The following MOB2 variants were observed in gnomAD, a reference collection of about 807,000 sequenced individuals.
MOB2 encodes the protein MOB kinase activator 2, also known as MOB2 Mps One Binder homolog.
In MOB2, 14 loss-of-function variants were observed where a neutral mutation model predicts 27.4. The observed-to-expected ratio is 0.51, with a 90% CI of 0.34 to 0.80. The LOEUF (loss-of-function observed/expected upper bound fraction) is 0.80, where lower values mean the gene tolerates loss of function less well. MOB2 is among the 30% of genes least tolerant of loss of function. The pLI is 0.01. For synonymous variants in MOB2, 167 were observed against 151.8 expected (o/e 1.10, Z -0.74); for missense variants, 304 against 354.6 (o/e 0.86, Z 1.15).
intron 3 of MOB2, among the ~76,000 whole-genome samples, chr11:1,477,331 C>G (rs898623971): frequency 6.6e-6 from 1 of 152,204 alleles, no homozygotes; most frequent in Admixed American, 6.5e-5. Flanking sequence ...TCCTTTGGCA[C>G]TGACATAGCC....
rs1236317733 is a variant in MOB2 at position 1,470,461 on chromosome 11, G to T, written c.518C>A (p.Ser173Tyr). The T allele has an allele frequency of 3.1e-6, 5 of 1,612,966 alleles. No individual in the cohort carries two copies. Among genetic ancestry groups the T allele is most frequent in the Admixed American group, 1.7e-5 (1 of 60,002 alleles). The change falls in exon 5 of 5, where the codon TCC (serine) becomes TAC (tyrosine). Residue 173 changes from serine (S) to tyrosine (Y), a missense_variant. Coordinates refer to ENST00000329957, the MANE Select transcript of MOB2 (RefSeq NM_001172223.3). Reference sequence around the variant, plus strand: ...GTGTCTGCAGATCTTCCTCACCAGGGACTCAAAGGAGCTGGGGAATTCTCT... The same window carrying T: ...GTGTCTGCAGATCTTCCTCACCAGGTACTCAAAGGAGCTGGGGAATTCTCT... ...YGREFPSSFE[S>Y]LVRKICRHLF...
intron 1 of MOB2, among the ~76,000 whole-genome samples, chr11:1,485,575 C>T (rs1159330685): frequency 1.3e-5 from 2 of 152,212 alleles, no homozygotes; most frequent in African/African-American, 4.8e-5. Context: ...CGGAGATGCA[C>T]ACGGGTGCCG....
chr11:1,469,607 A>G lies in MOB2; in HGVS notation c.*565T>C. On this transcript the variant is annotated 3_prime_UTR_variant, in exon 5 of 5. Coordinates refer to ENST00000329957, the MANE Select transcript of MOB2 (RefSeq NM_001172223.3). ...CACCATGGGTGTTCCTTGGGCATGG[A>G]GGAGGCAGCAGGAAGGGGTGACAGG... The G allele has an allele frequency of 2.2e-6, 1 of 456,892 alleles. No homozygotes were observed. Among genetic ancestry groups the G allele is most frequent in the Non-Finnish European group, 4.4e-6 (1 of 227,132 alleles). The allele number at this position is 456,892 out of a possible 1,614,324, so 28.3% of individuals were successfully genotyped here.
chr11:1,486,216 G>A (rs1403297295), intron 1 of MOB2, among the ~76,000 whole-genome samples: 1 of 152,236 alleles, frequency 6.6e-6, no homozygotes, highest in Non-Finnish European at 1.5e-5. Flanking sequence ...GCCCCACTGG[G>A]CAGGGCTCCA....
At chr11:1,485,035 G>A (rs1400061083) in intron 1 of MOB2, among the ~76,000 whole-genome samples, 2 of 152,188 alleles carry the variant, frequency 1.3e-5, no homozygotes, top group African/African-American at 4.8e-5. Flanking sequence ...CAGACCAAAC[G>A]TCCAAACAGG....
chr11:1,478,283 C>T (rs1428517984), intron 3 of MOB2, among the ~76,000 whole-genome samples: 1 of 152,272 alleles, frequency 6.6e-6, no homozygotes, highest in African/African-American at 2.4e-5. Context: ...CCGGACACTA[C>T]TCTTGTCTTC....
At chr11:1,477,315 G>A (rs1054134963) in intron 3 of MOB2, among the ~76,000 whole-genome samples, 6 of 152,008 alleles carry the variant, frequency 3.9e-5, no homozygotes, top group East Asian at 1.9e-4. Context: ...TTCCTTCCTC[G>A]GAGTCTCCTT....
Position 1,480,835 on chromosome 11 carries a change from T to C in MOB2, c.161A>G (p.Lys54Arg). Reference sequence around the variant, plus strand: ...GGTGTGCTCAGGCTCCAGGTAGGCCTTCCTCTCCTCCGCAGCGGGCTTCTT... The same window carrying C: ...GGTGTGCTCAGGCTCCAGGTAGGCCCTCCTCTCCTCCGCAGCGGGCTTCTT... ...NGKKPAAEER[K>R]AYLEPEHTKA... The change falls in exon 2 of 5, where the codon AAG becomes AGG. Residue 54 changes from lysine (K) to arginine (R), a missense_variant. Coordinates refer to ENST00000329957, the MANE Select transcript of MOB2 (RefSeq NM_001172223.3). 1 of 1,577,860 alleles carries C rather than the reference T, an allele frequency of 6.3e-7. No individual in the cohort carries two copies. The highest frequency in any genetic ancestry group is 1.2e-5 in the South Asian group (1 of 86,074).
intron 3 of MOB2, among the ~76,000 whole-genome samples, chr11:1,473,605 G>A (rs1847820478): frequency 6.6e-6 from 1 of 152,232 alleles, no homozygotes; most frequent in Non-Finnish European, 1.5e-5. Context: ...AACAGTGGAG[G>A]TTAGAGACGG....
rs1218291467 is a variant in MOB2 at position 1,486,594 on chromosome 11, G to A, written c.-38C>T. The A allele has an allele frequency of 1.8e-5, 26 of 1,439,920 alleles. No individual in the cohort carries two copies. The Middle Eastern group carries it at 5.5e-4, about 30-fold the overall frequency. The allele number at this position is 1,439,920 out of a possible 1,614,324, so 89.2% of individuals were successfully genotyped here. On this transcript the variant is annotated 5_prime_UTR_variant, in exon 1 of 5. Coordinates refer to ENST00000329957, the MANE Select transcript of MOB2 (RefSeq NM_001172223.3). ...GGAAGGTGGGGAGGAGAAGCGGGGC[G>A]GGGTGCCGGCTGGCCAGCACTCGCA...
At chr11:1,486,068 G>A (rs1052587332) in intron 1 of MOB2, among the ~76,000 whole-genome samples, 12 of 152,248 alleles carry the variant, frequency 7.9e-5, no homozygotes, top group African/African-American at 2.7e-4. Flanking sequence ...GCTGGCGGCT[G>A]AGGAACCACA....
chr11:1,480,333 G>A, intron 3 of MOB2, 60 bp downstream of exon 3: 1 of 1,497,488 alleles, frequency 6.7e-7, no homozygotes, highest in Non-Finnish European at 9.3e-7. Flanking sequence ...GGGGCAGCGG[G>A]GGCTCAGAGC....
chr11:1,477,104 G>C (rs1269749653), intron 3 of MOB2, among the ~76,000 whole-genome samples: 1 of 152,136 alleles, frequency 6.6e-6, no homozygotes, highest in Non-Finnish European at 1.5e-5. Context: ...GGGGTCATCG[G>C]GCTCCGTGCT....
chr11:1,485,103 C>A (rs1052432174), intron 1 of MOB2, among the ~76,000 whole-genome samples: 3 of 152,234 alleles, frequency 2.0e-5, no homozygotes, highest in African/African-American at 7.2e-5. Flanking sequence ...CTCCACTGCG[C>A]CTCGGCCCCT....
intron 3 of MOB2, among the ~76,000 whole-genome samples, chr11:1,474,491 T>C (rs1002365549): frequency 2.0e-5 from 3 of 152,258 alleles, no homozygotes; most frequent in African/African-American, 7.2e-5. Flanking sequence ...GCACGAGGCA[T>C]GAGGGATAGG....
chr11:1,485,983 C>G (rs1007730018), intron 1 of MOB2, among the ~76,000 whole-genome samples: 1 of 152,254 alleles, frequency 6.6e-6, no homozygotes, highest in Non-Finnish European at 1.5e-5. Context: ...GACTCCGGGT[C>G]ACCTCTGCCT....
At chr11:1,474,428 G>A (rs1228885895) in intron 3 of MOB2, among the ~76,000 whole-genome samples, 1 of 152,330 alleles carries the variant, frequency 6.6e-6, no homozygotes, top group African/African-American at 2.4e-5. Flanking sequence ...CTAGTGTCAG[G>A]TCATAAGGAT....
In MOB2 at chr11:1,470,472, G is replaced by A. The variant is rs1056792708; in HGVS notation, c.507C>T (p.Ser169=). ...TCTTCCTCACCAGGGACTCAAAGGA[G>A]CTGGGGAATTCTCTGCCTGGGGAAG... ...FPTKYGREFP[S]SFESLVRKIC... Residue 169 remains serine (S), a synonymous_variant, in exon 5 of 5, where the codon AGC becomes AGT. Transcript: ENST00000329957. The A allele has an allele frequency of 2.5e-6, 4 of 1,612,070 alleles. No homozygotes were observed. In the African/African-American group the frequency reaches 5.3e-5, roughly 22 times the overall value.
At chr11:1,486,092 G>A (rs1372725633) in intron 1 of MOB2, among the ~76,000 whole-genome samples, 1 of 152,240 alleles carries the variant, frequency 6.6e-6, no homozygotes, top group Non-Finnish European at 1.5e-5. Context: ...TGTGGGTTGC[G>A]GGAGGACAAG....
Sources: allele counts gnomAD v4.1 joint callset (sites outside exome capture counted in the v4.1 genomes callset), GRCh38; gene constraint gnomAD v4.1.1; transcripts MANE v1.5; gene names NCBI Gene and HGNC (gene_info 2026-07-23, HGNC 2026-07-21).